The following BFSP1 variants were observed in gnomAD, a reference collection of about 807,000 sequenced individuals.
BFSP1 encodes the protein beaded filament structural protein 1.
In BFSP1, 38 loss-of-function variants were observed where a neutral mutation model predicts 43.9. That is an observed-to-expected ratio of 0.87 (90% CI 0.67 to 1.14). The LOEUF is 1.14. BFSP1 is among the 50% of genes most tolerant of loss of function. The pLI, the probability that BFSP1 is intolerant of heterozygous loss-of-function variation, is 0.00. For synonymous variants in BFSP1, 352 were observed against 354.8 expected, an observed-to-expected ratio of 0.99 and a Z score of 0.09; for missense variants, 850 against 875.1, an observed-to-expected ratio of 0.97 and a Z score of 0.36.
At chr20:17,500,026 A>G (rs915230031) in intron 5 of BFSP1, among the ~76,000 whole-genome samples, 1 of 152,148 alleles carries the variant, frequency 6.6e-6, no homozygotes, top group Non-Finnish European at 1.5e-5. Context: ...TAGCAAAAAA[A>G]TAAGTAAAAA....
At chr20:17,558,523 A>T (rs6044883) in intron 1 of BFSP1, among the ~76,000 whole-genome samples, 14 of 152,250 alleles carry the variant, frequency 9.2e-5, no homozygotes, top group African/African-American at 3.4e-4. Context: ...TCAGACTACT[A>T]CTGAGCCAAT....
chr20:17,502,811 G>A (rs183975819), intron 5 of BFSP1, among the ~76,000 whole-genome samples: 68 of 152,212 alleles, frequency 4.5e-4, no homozygotes, highest in Non-Finnish European at 7.9e-4. Context: ...ACACACTAAC[G>A]CCTGGTGCAG....
chr20:17,549,602 A>C (rs1039773116), intron 1 of BFSP1, among the ~76,000 whole-genome samples: 3 of 152,074 alleles, frequency 2.0e-5, no homozygotes. Context: ...TTGGGAGGCC[A>C]AGGAGGGTGA....
intron 4 of BFSP1, among the ~76,000 whole-genome samples, chr20:17,509,296 C>T (rs1419771076): frequency 6.9e-6 from 1 of 145,552 alleles, no homozygotes; most frequent in Non-Finnish European, 1.5e-5. Flanking sequence ...AAGAAGGCAG[C>T]CGTCTTCAAG....
intron 7 of BFSP1, among the ~76,000 whole-genome samples, chr20:17,496,449 G>C (rs1423016338): frequency 6.6e-6 from 1 of 152,212 alleles, no homozygotes; most frequent in Non-Finnish European, 1.5e-5. Context: ...TGGTTTGAGG[G>C]AGGGGAGAAT....
chr20:17,494,232 G>A lies in BFSP1; in HGVS notation c.1840C>T (p.Pro614Ser), dbSNP rs897833240. The change falls in exon 8 of 8, where the codon CCC becomes TCC. Residue 614 changes from proline to serine, a missense_variant. Pro to Ser is a moderately conservative substitution (Grantham distance 74). Coordinates refer to ENST00000377873, the MANE Select transcript of BFSP1 (RefSeq NM_001195.5). ...ACTGTCTTATAGGCCAAAGCCTTGG[G>A]AGGGCCTTTTTCTGGCAGGCTTCTG... ...RSRSLPEKGPPKALAYKTVEV... is the reference protein window; with the variant it reads ...RSRSLPEKGPSKALAYKTVEV... 3 of 1,614,116 alleles carry A rather than the reference G, an allele frequency of 1.9e-6. No individual in the cohort carries two copies. Among genetic ancestry groups the A allele is most frequent in the Non-Finnish European group, 2.5e-6 (3 of 1,180,038 alleles).
Position 17,498,860 on chromosome 20 carries a change from G to A in BFSP1, c.916C>T (p.Leu306=), listed in dbSNP as rs754612817. 1.2e-6 allele frequency: 2 copies of A among 1,613,646 alleles called. No individual in the cohort carries two copies. Among genetic ancestry groups the A allele is most frequent in the Admixed American group, 3.3e-5 (2 of 60,018 alleles). ...TCGATGATACGATGATACCGGTCCA[G>A]CTCATTCTTCAGGGTTTGCTGGGCG... ...AVAQQTLKNE[L]DRYHRIIEIE... is the part of the protein sequence containing the mutation. Residue 306 remains leucine (L), a synonymous_variant, in exon 6 of 8, where the codon CTG becomes TTG. Coordinates refer to ENST00000377873, the MANE Select transcript of BFSP1 (RefSeq NM_001195.5).
chr20:17,539,448 A>G (rs1486372323), intron 1 of BFSP1, among the ~76,000 whole-genome samples: 2 of 152,040 alleles, frequency 1.3e-5, no homozygotes, highest in Non-Finnish European at 2.9e-5. Flanking sequence ...ACATTCATAT[A>G]TTCATAGATT....
intron 1 of BFSP1, among the ~76,000 whole-genome samples, chr20:17,567,828 TAC>T (rs2035137887): frequency 7.0e-6 from 1 of 142,232 alleles, no homozygotes; most frequent in Non-Finnish European, 1.5e-5. Context: ...ACCATTGCAC[TAC>T]AGTCTGGGCA....
chr20:17,496,817 C>T (rs746707074), intron 7 of BFSP1, 121 bp downstream of exon 7: 2 of 935,852 alleles, frequency 2.1e-6, no homozygotes, highest in Non-Finnish European at 3.1e-6. Context: ...TCCTCCTTCA[C>T]ATAAAAGCAT....
At chr20:17,508,823 C>G (rs2034004878) in intron 5 of BFSP1, 66 bp downstream of exon 5, 4 of 1,379,356 alleles carry the variant, frequency 2.9e-6, no homozygotes, top group Non-Finnish European at 3.9e-6. Context: ...ATGCGTGTGC[C>G]TGCGCGTAAC....
upstream of BFSP1, among the ~76,000 whole-genome samples, chr20:17,563,401 T>C (rs756562592): frequency 1.5e-4 from 4 of 25,808 alleles, no homozygotes; most frequent in South Asian, 3.1e-3. Flanking sequence ...CTCCCTCCCT[T>C]CCTTCCTTCC....
At chr20:17,568,149 G>C (rs2122140823) in intron 1 of BFSP1, among the ~76,000 whole-genome samples, 1 of 152,236 alleles carries the variant, frequency 6.6e-6, no homozygotes, top group African/African-American at 2.4e-5. Context: ...GAAGATATGG[G>C]AGATAGGGCA....
chr20:17,558,670 G>A lies in BFSP1; in HGVS notation c.2+18C>T, dbSNP rs201505277. 9.6e-5 allele frequency: 149 copies of A among 1,551,150 alleles called. No homozygotes were observed. In the East Asian group the frequency reaches 1.8e-3, roughly 18 times the overall value. On this transcript the variant is annotated intron_variant, in intron 1 of 7. Coordinates refer to the BFSP1 transcript ENST00000377868. ...CTAAACCTAGAATCCAACACTTGCCGTTTATCAGAACACTTACATACTTTC... is the reference window on the plus strand; with the variant it reads ...CTAAACCTAGAATCCAACACTTGCCATTTATCAGAACACTTACATACTTTC...
chr20:17,567,245 G>A (rs900327761), intron 1 of BFSP1, among the ~76,000 whole-genome samples: 1 of 152,098 alleles, frequency 6.6e-6, no homozygotes, highest in African/African-American at 2.4e-5. Context: ...TGATATATAA[G>A]TTTGATAAAT....
intron 5 of BFSP1, among the ~76,000 whole-genome samples, chr20:17,506,255 G>C (rs2033934300): frequency 1.3e-5 from 2 of 152,134 alleles, no homozygotes; most frequent in Admixed American, 6.6e-5. Context: ...ACAGCCTCTG[G>C]ACAAGGGCCC....
intron 2 of BFSP1, among the ~76,000 whole-genome samples, chr20:17,520,210 G>GCCCCCCCCCCCCCCC (rs138070825): frequency 9.5e-4 from 127 of 133,400 alleles, no homozygotes; most frequent in Non-Finnish European, 1.4e-3. Context: ...GTTTTAACGT[G>GCCCCCCCCCCCCCCC]CCCCCCCACC....
chr20:17,509,049 G>T, intron 4 of BFSP1, 53 bp from the exon 5 acceptor site: 1 of 1,379,826 alleles, frequency 7.2e-7, no homozygotes, highest in Non-Finnish European at 9.6e-7. Flanking sequence ...GAGGAAAAGG[G>T]CAGAGAAGGT....
In BFSP1 at chr20:17,507,113, A is replaced by G. The variant is rs1286903834; in HGVS notation, c.735+1776T>C. ...ATATTCAACAAATACCTGTACATAA[A>G]GAGAGGAACATTCTTTTTGTCCTGG... On this transcript the variant is annotated intron_variant, in intron 5 of 7. Transcript: ENST00000377873. The surrounding 1 kb of genome is among the most constrained non-coding windows in gnomAD (Gnocchi z 4.4). 3 of 152,188 alleles carry G rather than the reference A, an allele frequency of 2.0e-5. No individual in the cohort carries two copies. The highest frequency in any genetic ancestry group is 6.5e-5 in the Admixed American group (1 of 15,278). The allele number at this position is 152,188 out of a possible 1,614,324, so 9.4% of individuals were successfully genotyped here.
Sources: gnomAD v4.1 joint callset for allele counts (sites outside exome capture counted in the v4.1 genomes callset) on GRCh38, gnomAD v4.1.1 for gene constraint, Gnocchi (gnomAD v3.1) non-coding constraint, MANE v1.5 for transcripts, NCBI Gene and HGNC (gene_info 2026-07-23, HGNC 2026-07-21) for gene names.